Variants in NKAIN3 observed in about 807,000 individuals in gnomAD.
NKAIN3 encodes the protein sodium/potassium-transporting ATPase subunit beta-1-interacting protein 3.
Under a neutral mutation model 30.2 loss-of-function variants are expected in NKAIN3, and 25 were observed. That is an observed-to-expected ratio of 0.83 (90% CI 0.60 to 1.16). NKAIN3 has a LOEUF of 1.16. NKAIN3 is among the 50% of genes most tolerant of loss of function. The probability of loss-of-function intolerance (pLI) is 0.00; values close to 1 mark genes in which losing one functional copy is unlikely to be tolerated. For missense variants in NKAIN3, 225 were observed against 254.1 expected (o/e 0.89, Z 0.78); for synonymous variants, 91 against 89.6 (o/e 1.02, Z -0.09).
In NKAIN3 at chr8:62,410,797, C is replaced by A. The variant is rs1014432681; in HGVS notation, c.54+161670C>A. Among the ~76,000 whole-genome samples, 7 of 151,840 alleles carry A rather than the reference C, an allele frequency of 4.6e-5. No individual in the cohort carries two copies. The South Asian group carries it at 6.3e-4, about 14-fold the overall frequency. ...TGAATTCCTGAAAACACATAATGTC[C>A]CAAGACTGAAGAAGGAAGAGATTAA... On this transcript the variant is annotated intron_variant, in intron 1 of 6. Transcript: ENST00000623646.
chr8:62,624,081 C>T (rs1320566791), intron 3 of NKAIN3, among the ~76,000 whole-genome samples: 1 of 152,016 alleles, frequency 6.6e-6, no homozygotes, highest in African/African-American at 2.4e-5. Context: ...GTAGGAGTAT[C>T]CTTTAGCATG....
chr8:62,391,300 G>C (rs901126564), intron 1 of NKAIN3, among the ~76,000 whole-genome samples: 2 of 152,126 alleles, frequency 1.3e-5, no homozygotes, highest in Non-Finnish European at 2.9e-5. Context: ...CTCCCTTGCA[G>C]CCTCAGTGGT....
At chr8:62,553,951 G>A (rs1809305272) in intron 1 of NKAIN3, among the ~76,000 whole-genome samples, 1 of 152,104 alleles carries the variant, frequency 6.6e-6, no homozygotes. Flanking sequence ...CCAATATTTA[G>A]CATTAGGAAA....
In NKAIN3 at chr8:62,883,189, C is replaced by A. The variant is rs138849264; in HGVS notation, c.472-35264C>A. Among the ~76,000 whole-genome samples the A allele has an allele frequency of 1.8e-3, 278 of 152,244 alleles. 1 individual carries two copies. The highest frequency in any genetic ancestry group is 6.3e-3 in the African/African-American group (260 of 41,558). On this transcript the variant is annotated intron_variant, in intron 4 of 6. Coordinates refer to ENST00000623646, the MANE Select transcript of NKAIN3 (RefSeq NM_001304533.3). ...TGATGATATTGAGTCTCCCTATCCA[C>A]AAACATGAGGTGTGTCTTCTATTAT...
chr8:62,800,917 A>C (rs1818036802), intron 4 of NKAIN3, among the ~76,000 whole-genome samples: 2 of 152,302 alleles, frequency 1.3e-5, no homozygotes, highest in South Asian at 4.1e-4. Flanking sequence ...CCACCCTAAT[A>C]CTGCGCTTTT....
intron 1 of NKAIN3, among the ~76,000 whole-genome samples, chr8:62,527,459 A>G (rs781544575): frequency 6.6e-6 from 1 of 152,200 alleles, no homozygotes; most frequent in Non-Finnish European, 1.5e-5. Context: ...TTATAAAATA[A>G]TAATGGATAT....
intron 1 of NKAIN3, among the ~76,000 whole-genome samples, chr8:62,407,487 T>C (rs1300012462): frequency 7.3e-6 from 1 of 137,732 alleles, no homozygotes; most frequent in African/African-American, 2.7e-5. Context: ...AACCTCCGCC[T>C]CCCGAGTTCA....
Position 62,971,747 on chromosome 8 carries a change from G to T in NKAIN3, c.*6340G>T, listed in dbSNP as rs187580677. Among the ~76,000 whole-genome samples, 4 of 152,262 alleles carry T rather than the reference G, an allele frequency of 2.6e-5. No individual in the cohort carries two copies. Among genetic ancestry groups the T allele is most frequent in the African/African-American group, 9.6e-5 (4 of 41,546 alleles). ...CTAATTGACATGATTTCTTGGAACA[G>T]TGTTTTCATTTGTAGTACTTTATAA... is the stretch of plus-strand genomic sequence containing the variant. On this transcript the variant is annotated 3_prime_UTR_variant, in exon 7 of 7. Coordinates refer to ENST00000623646, the MANE Select transcript of NKAIN3 (RefSeq NM_001304533.3).
At chr8:62,581,274 A>G (rs1810285043) in intron 2 of NKAIN3, among the ~76,000 whole-genome samples, 1 of 152,130 alleles carries the variant, frequency 6.6e-6, no homozygotes, top group African/African-American at 2.4e-5. Context: ...TAATCAAGCT[A>G]TTATCAAATT....
intron 3 of NKAIN3, among the ~76,000 whole-genome samples, chr8:62,732,891 T>C (rs1222232619): frequency 1.3e-5 from 2 of 152,138 alleles, no homozygotes; most frequent in Non-Finnish European, 1.5e-5. Flanking sequence ...AAATGACACA[T>C]AGCTGAAATT....
chr8:62,722,851 C>T (rs947560404), intron 3 of NKAIN3, among the ~76,000 whole-genome samples: 2 of 152,030 alleles, frequency 1.3e-5, no homozygotes, highest in Non-Finnish European at 2.9e-5. Context: ...GAAAATCCAC[C>T]CAGGGAGTTG....
In NKAIN3 at chr8:62,459,717, A is replaced by G. The variant is rs1355305905; in HGVS notation, c.55-119822A>G. ...CTAATGGGAAAATGGAGTATGCAAT[A>G]CATAGATCGGAGAAGAAAGCATTCC... is the stretch of plus-strand genomic sequence containing the variant. On this transcript the variant is annotated intron_variant, in intron 1 of 6. Coordinates refer to ENST00000623646, the MANE Select transcript of NKAIN3 (RefSeq NM_001304533.3). 2.0e-5 allele frequency among the ~76,000 whole-genome samples: 3 copies of G among 152,234 alleles called. No individual in the cohort carries two copies. The East Asian group carries it at 5.8e-4, about 29-fold the overall frequency.
At position 62,976,941 on chromosome 8, in the gene NKAIN3, A is replaced by G. The variant is rs1265229296; in HGVS notation, c.*11534A>G. ...GGATTTTATTTCTCCTTCACTTGTG[A>G]AGCTCAGTTTGGCTGGATATGAAAT... On this transcript the variant is annotated 3_prime_UTR_variant, in exon 7 of 7. Coordinates refer to ENST00000623646, the MANE Select transcript of NKAIN3 (RefSeq NM_001304533.3). Among the ~76,000 whole-genome samples, 1 of 152,176 alleles carries G rather than the reference A, an allele frequency of 6.6e-6. No individual in the cohort carries two copies. The highest frequency in any genetic ancestry group is 1.5e-5 in the Non-Finnish European group (1 of 68,036).
chr8:62,746,617 G>A (rs571774987), intron 3 of NKAIN3, among the ~76,000 whole-genome samples: 2 of 152,134 alleles, frequency 1.3e-5, no homozygotes, highest in Non-Finnish European at 2.9e-5. Context: ...AGAAAATGCA[G>A]ACAAAAGTTT....
chr8:62,290,776 G>C (rs1475745528), intron 1 of NKAIN3, among the ~76,000 whole-genome samples: 1 of 151,930 alleles, frequency 6.6e-6, no homozygotes. Flanking sequence ...GGATGATTCT[G>C]CTTTTTCTAT....
At chr8:62,636,515 G>A (rs937823307) in intron 3 of NKAIN3, among the ~76,000 whole-genome samples, 6 of 152,278 alleles carry the variant, frequency 3.9e-5, no homozygotes, top group African/African-American at 1.2e-4. Flanking sequence ...CAGTAGTAAA[G>A]AGCATATTTT....
chr8:62,824,563 C>T (rs1416469360), intron 4 of NKAIN3, among the ~76,000 whole-genome samples: 2 of 151,720 alleles, frequency 1.3e-5, no homozygotes, highest in African/African-American at 4.9e-5. Context: ...AAATGATAGA[C>T]ACAACATGCT....
At chr8:62,478,842 G>A (rs910353107) in intron 1 of NKAIN3, among the ~76,000 whole-genome samples, 9 of 152,160 alleles carry the variant, frequency 5.9e-5, no homozygotes, top group South Asian at 4.1e-4. Context: ...AATAAAAATT[G>A]CATTGGTCAC....
intron 4 of NKAIN3, among the ~76,000 whole-genome samples, chr8:62,888,499 TA>T (rs1251334497): frequency 2.0e-5 from 3 of 152,208 alleles, no homozygotes; most frequent in African/African-American, 4.8e-5. Flanking sequence ...TCTGTTCCAT[TA>T]AGTTGTGATT....
Sources: allele counts gnomAD v4.1 joint callset (sites outside exome capture counted in the v4.1 genomes callset), GRCh38; gene constraint gnomAD v4.1.1; transcripts MANE v1.5; gene names NCBI Gene and HGNC (gene_info 2026-07-23, HGNC 2026-07-21).